KIAA1217: variants seen among roughly 807,000 people sequenced by gnomAD.
KIAA1217 encodes sickle tail protein homolog.
A neutral mutation model predicts 163.9 loss-of-function variants in KIAA1217; 88 were observed. The observed-to-expected ratio is 0.54, with a 90% CI of 0.45 to 0.64. The LOEUF is 0.64. Among genes scored for constraint, KIAA1217 ranks in the 30% least tolerant of loss-of-function variants. The pLI is 0.00. For synonymous variants in KIAA1217, 903 were observed against 923.1 expected (o/e 0.98, Z 0.39); for missense variants, 2,372 against 2,475.0 (o/e 0.96, Z 0.88).
intron 2 of KIAA1217, among the ~76,000 whole-genome samples, chr10:24,027,176 G>T (rs776868898): frequency 2.0e-5 from 3 of 151,840 alleles, no homozygotes; most frequent in Non-Finnish European, 2.9e-5. Flanking sequence ...TTATGCCTTT[G>T]CCTCTCTGAA....
At chr10:23,796,790 T>C (rs1588839622) in intron 1 of KIAA1217, among the ~76,000 whole-genome samples, 1 of 152,224 alleles carries the variant, frequency 6.6e-6, no homozygotes, top group East Asian at 1.9e-4. Context: ...AACCCATCAC[T>C]GAAGGAACAG....
In KIAA1217 at chr10:24,543,864, A is replaced by C. The variant is rs1478022593; in HGVS notation, c.4594A>C (p.Asn1532His). 8.7e-6 allele frequency: 14 copies of C among 1,614,008 alleles called. No individual in the cohort carries two copies. The highest frequency in any genetic ancestry group is 1.2e-5 in the Non-Finnish European group (14 of 1,180,048). The change falls in exon 19 of 21, where the codon AAC becomes CAC. Residue 1532 changes from asparagine to histidine, a missense_variant. Transcript: ENST00000376454. Reference sequence around the variant, plus strand: ...ACACTCCCTGGCCACAGAGACCAGAAACCCAGGAGGACAGGAAATGAACAG... The same window carrying C: ...ACACTCCCTGGCCACAGAGACCAGACACCCAGGAGGACAGGAAATGAACAG... ...QPHSLATETR[N>H]PGGQEMNRTE... is the part of the protein sequence containing the mutation.
At chr10:24,461,208 A>C (rs895696899) in intron 5 of KIAA1217, among the ~76,000 whole-genome samples, 1 of 151,858 alleles carries the variant, frequency 6.6e-6, no homozygotes, top group Non-Finnish European at 1.5e-5. Context: ...CATATCATCA[A>C]ACTAAAATAT....
chr10:24,021,403 A>G (rs183409211), intron 2 of KIAA1217, among the ~76,000 whole-genome samples: 2 of 152,086 alleles, frequency 1.3e-5, no homozygotes, highest in Admixed American at 6.6e-5. Flanking sequence ...AAATATACAC[A>G]TGATCTTTAT....
chr10:24,432,753 C>T (rs1310720272), intron 3 of KIAA1217, among the ~76,000 whole-genome samples: 1 of 152,158 alleles, frequency 6.6e-6, no homozygotes, highest in Admixed American at 6.5e-5. Flanking sequence ...TTGCACCCAG[C>T]CCTTGAATTT....
chr10:23,936,570 G>A (rs2131325340), intron 1 of KIAA1217, among the ~76,000 whole-genome samples: 1 of 152,206 alleles, frequency 6.6e-6, no homozygotes, highest in Non-Finnish European at 1.5e-5. Context: ...CAGAGAAGAA[G>A]GCTGTGTAAT....
intron 2 of KIAA1217, among the ~76,000 whole-genome samples, chr10:24,191,277 A>G (rs1051805742): frequency 1.3e-5 from 2 of 152,230 alleles, no homozygotes; most frequent in African/African-American, 4.8e-5. Flanking sequence ...AAAGACCTGC[A>G]TTCCTGACTA....
At chr10:24,202,283 G>A (rs2067303577) in intron 2 of KIAA1217, among the ~76,000 whole-genome samples, 2 of 152,212 alleles carry the variant, frequency 1.3e-5, no homozygotes, top group African/African-American at 4.8e-5. Context: ...GCCAGTAGAG[G>A]TGATCAAAGT....
In KIAA1217 at chr10:24,543,315, G is replaced by T; in HGVS notation, c.4045G>T (p.Val1349Phe). Residue 1349 changes from valine to phenylalanine, a missense_variant, in exon 19 of 21, where the codon GTT becomes TTT. Physicochemically the swap from Val to Phe is conservative, Grantham distance 50 (BLOSUM62 -1). This residue lies in a region of KIAA1217 where 251 missense variants were observed against 327.3 expected (regional missense o/e 0.77). Coordinates refer to ENST00000376454, the MANE Select transcript of KIAA1217 (RefSeq NM_019590.5). ...TATCACGACAGATTTTGGCCAAGTTGTTCTAAGACCCAAGGAGGCAAGGCA... is the reference window on the plus strand; with the variant it reads ...TATCACGACAGATTTTGGCCAAGTTTTTCTAAGACCCAAGGAGGCAAGGCA... ...EVITTDFGQV[V>F]LRPKEARHAN... 1 of 1,614,138 alleles carries T rather than the reference G, an allele frequency of 6.2e-7. No individual in the cohort carries two copies. The highest frequency in any genetic ancestry group is 8.5e-7 in the Non-Finnish European group (1 of 1,180,018).
At chr10:23,857,640 G>T (rs920624419) in intron 1 of KIAA1217, among the ~76,000 whole-genome samples, 1 of 152,112 alleles carries the variant, frequency 6.6e-6, no homozygotes, top group African/African-American at 2.4e-5. Context: ...TATAATAAAC[G>T]GTTTGCACGC....
chr10:24,175,065 T>A (rs1438236944), intron 2 of KIAA1217, among the ~76,000 whole-genome samples: 1 of 152,084 alleles, frequency 6.6e-6, no homozygotes, highest in Non-Finnish European at 1.5e-5. Context: ...TCTCACTATG[T>A]TGGCCAGCGT....
chr10:24,149,333 C>T (rs2058445561), intron 2 of KIAA1217, among the ~76,000 whole-genome samples: 1 of 152,076 alleles, frequency 6.6e-6, no homozygotes, highest in African/African-American at 2.4e-5. Context: ...GTGTTTGCCA[C>T]CATGCCCGAC....
chr10:23,918,631 C>A (rs771238823), intron 1 of KIAA1217, among the ~76,000 whole-genome samples: 28 of 152,058 alleles, frequency 1.8e-4, no homozygotes, highest in Non-Finnish European at 2.9e-4. Context: ...CCTGCTAAGA[C>A]AAACACAGTG....
chr10:24,024,463 C>A (rs7921840), intron 2 of KIAA1217, among the ~76,000 whole-genome samples: 1 of 151,498 alleles, frequency 6.6e-6, no homozygotes, highest in Non-Finnish European at 1.5e-5. Context: ...TTTTTATCCA[C>A]GCAGTAGTTG....
intron 2 of KIAA1217, among the ~76,000 whole-genome samples, chr10:24,193,312 G>T (rs1408335900): frequency 6.6e-6 from 1 of 152,180 alleles, no homozygotes; most frequent in African/African-American, 2.4e-5. Context: ...GATTTTATAG[G>T]AGTCCTGCGG....
At chr10:24,351,158 G>A (rs1274645584) in intron 2 of KIAA1217, among the ~76,000 whole-genome samples, 1 of 152,168 alleles carries the variant, frequency 6.6e-6, no homozygotes, top group Non-Finnish European at 1.5e-5. Context: ...ATGTTGGACA[G>A]GCTGGTCTAA....
chr10:24,356,716 T>C (rs948834613), intron 2 of KIAA1217, among the ~76,000 whole-genome samples: 14 of 152,210 alleles, frequency 9.2e-5, no homozygotes, highest in Non-Finnish European at 1.8e-4. Flanking sequence ...CATGCTCCCT[T>C]GCCCTTCCAC....
chr10:24,532,926 G>T, intron 15 of KIAA1217, 144 bp from the exon 16 acceptor site: 1 of 612,404 alleles, frequency 1.6e-6, no homozygotes, highest in East Asian at 3.0e-5. Flanking sequence ...TAAATGCAAA[G>T]GAATAAAATA....
intron 1 of KIAA1217, among the ~76,000 whole-genome samples, chr10:23,704,172 GTATATATATATA>G (rs35533445): frequency 3.7e-3 from 147 of 39,956 alleles, no homozygotes; most frequent in African/African-American, 6.5e-3. Context: ...GTGTGTGTGT[GTATATATATATA>G]TATATATATA....
Sources: allele counts gnomAD v4.1 joint callset (sites outside exome capture counted in the v4.1 genomes callset), GRCh38; gene constraint gnomAD v4.1.1; regional missense constraint gnomAD v4.1.1; transcripts MANE v1.5; gene names NCBI Gene and HGNC (gene_info 2026-07-23, HGNC 2026-07-21).